Variants in CDKAL1 observed in about 807,000 individuals in gnomAD.
The protein encoded by CDKAL1 is CDKAL1 threonylcarbamoyladenosine tRNA methylthiotransferase.
A neutral mutation model predicts 68.2 loss-of-function variants in CDKAL1; 32 were observed. The ratio of observed to expected loss-of-function variants is 0.47; its 90% CI spans 0.35 to 0.63. The LOEUF (loss-of-function observed/expected upper bound fraction) is 0.63. CDKAL1 is among the 30% of genes least tolerant of loss of function. The pLI is 0.00. For synonymous variants in CDKAL1, 234 were observed against 244.3 expected, an observed-to-expected ratio of 0.96 and a Z score of 0.39; for missense variants, 606 against 696.7, an observed-to-expected ratio of 0.87 and a Z score of 1.47.
intron 4 of CDKAL1, among the ~76,000 whole-genome samples, chr6:20,589,914 G>A (rs1009647541): frequency 6.6e-6 from 1 of 152,184 alleles, no homozygotes; most frequent in Non-Finnish European, 1.5e-5. Flanking sequence ...GCACCAGGCT[G>A]TGTAAGTCCA....
At chr6:20,738,912 G>A (rs187244091) in intron 5 of CDKAL1, among the ~76,000 whole-genome samples, 1 of 152,258 alleles carries the variant, frequency 6.6e-6, no homozygotes, top group East Asian at 1.9e-4. Context: ...TATGTACAAA[G>A]CACCAGCTTG....
At chr6:20,920,223 G>A (rs1282514999) in intron 9 of CDKAL1, among the ~76,000 whole-genome samples, 1 of 152,194 alleles carries the variant, frequency 6.6e-6, no homozygotes, top group African/African-American at 2.4e-5. Context: ...TGTTTTGGGT[G>A]AGGGCAAAGG....
intron 9 of CDKAL1, among the ~76,000 whole-genome samples, chr6:20,889,800 C>T (rs1258026192): frequency 6.6e-6 from 1 of 152,178 alleles, no homozygotes; most frequent in Non-Finnish European, 1.5e-5. Flanking sequence ...TGTGATGCCT[C>T]CAGCTTTGTT....
intron 10 of CDKAL1, among the ~76,000 whole-genome samples, chr6:20,992,548 A>C (rs2150801119): frequency 6.6e-6 from 1 of 152,318 alleles, no homozygotes; most frequent in East Asian, 1.9e-4. Flanking sequence ...ATAGTTTTGC[A>C]TGAAATGATA....
chr6:20,900,624 TC>T (rs1316071518), intron 9 of CDKAL1, among the ~76,000 whole-genome samples: 2 of 152,230 alleles, frequency 1.3e-5, no homozygotes, highest in African/African-American at 4.8e-5. Context: ...AAACATCTGT[TC>T]CCCTGTCAGA....
intron 5 of CDKAL1, among the ~76,000 whole-genome samples, chr6:20,698,593 G>C (rs1489243765): frequency 6.6e-6 from 1 of 152,070 alleles, no homozygotes; most frequent in Non-Finnish European, 1.5e-5. Flanking sequence ...CCTCAGTTTG[G>C]GTTTGTTTGA....
intron 15 of CDKAL1, among the ~76,000 whole-genome samples, chr6:21,213,835 G>A (rs1446862871): frequency 6.6e-6 from 1 of 152,110 alleles, no homozygotes; most frequent in African/African-American, 2.4e-5. Flanking sequence ...TCCGTATATA[G>A]CCAACAGAAG....
chr6:21,108,278 CT>C (rs1773947141), intron 12 of CDKAL1, 122 bp from the exon 13 acceptor site: 1 of 545,684 alleles, frequency 1.8e-6, no homozygotes, highest in Admixed American at 4.8e-5. Flanking sequence ...GGAAGAATCT[CT>C]TAAAAAAAAA....
At chr6:20,952,027 C>T (rs1169537751) in intron 9 of CDKAL1, among the ~76,000 whole-genome samples, 5 of 146,304 alleles carry the variant, frequency 3.4e-5, no homozygotes, top group African/African-American at 5.1e-5. Flanking sequence ...GGCACGATCT[C>T]GGCTCACTGT....
intron 4 of CDKAL1, among the ~76,000 whole-genome samples, chr6:20,586,605 T>C (rs1393199061): frequency 6.6e-6 from 1 of 152,162 alleles, no homozygotes; most frequent in Non-Finnish European, 1.5e-5. Flanking sequence ...GCCACTGCAC[T>C]CCGGCCTGGG....
chr6:20,616,797 G>A (rs1766924792), intron 4 of CDKAL1, among the ~76,000 whole-genome samples: 1 of 150,454 alleles, frequency 6.6e-6, no homozygotes, highest in South Asian at 2.1e-4. Flanking sequence ...TAGCCCAGGA[G>A]TTCGAGACCA....
At chr6:20,948,885 A>T (rs1054704895) in intron 9 of CDKAL1, among the ~76,000 whole-genome samples, 1 of 152,170 alleles carries the variant, frequency 6.6e-6, no homozygotes, top group African/African-American at 2.4e-5. Context: ...TCATCCTTTT[A>T]TGGTATTTAG....
At chr6:21,150,419 C>T (rs1487266491) in intron 13 of CDKAL1, among the ~76,000 whole-genome samples, 3 of 152,220 alleles carry the variant, frequency 2.0e-5, no homozygotes, top group Non-Finnish European at 4.4e-5. Flanking sequence ...AGTGCAGGGC[C>T]GTGTTCTCTA....
At chr6:20,613,073 T>TAC (rs1201670153) in intron 4 of CDKAL1, among the ~76,000 whole-genome samples, 30 of 148,784 alleles carry the variant, frequency 2.0e-4, no homozygotes, top group African/African-American at 5.9e-4. Context: ...AGAATAAATG[T>TAC]ACACACACAC....
At chr6:21,003,932 C>T (rs1401318240) in intron 11 of CDKAL1, among the ~76,000 whole-genome samples, 1 of 152,176 alleles carries the variant, frequency 6.6e-6, no homozygotes, top group East Asian at 1.9e-4. Context: ...AATGGCGGCC[C>T]ATTTCATTTA....
rs61183631 is a variant in CDKAL1, at chr6:21,069,032, C to A, written c.1236+3804C>A. Among the ~76,000 whole-genome samples the A allele has an allele frequency of 5.9e-5, 9 of 152,050 alleles. No individual in the cohort carries two copies. The East Asian group carries it at 7.7e-4, about 13-fold the overall frequency. On this transcript the variant is annotated intron_variant, in intron 12 of 15. Coordinates refer to ENST00000274695, the MANE Select transcript of CDKAL1 (RefSeq NM_017774.3). The stretch of plus-strand genomic sequence containing the variant: ...TTGATTAAAATATATTTATTTTGCC[C>A]AACTAATTCACTTATTAATTCTAAT...
chr6:20,774,547 G>GC (rs1169168976), intron 7 of CDKAL1, among the ~76,000 whole-genome samples: 19 of 152,162 alleles, frequency 1.2e-4, no homozygotes, highest in Non-Finnish European at 2.4e-4. Context: ...ACCATCCAAT[G>GC]CAAGTAGCAC....
At chr6:21,199,197 G>A (rs1436314614) in intron 14 of CDKAL1, among the ~76,000 whole-genome samples, 1 of 152,214 alleles carries the variant, frequency 6.6e-6, no homozygotes, top group African/African-American at 2.4e-5. Context: ...GAGGAAGCAG[G>A]CTGCCTGTGT....
chr6:20,882,581 T>G (rs1428517148), intron 9 of CDKAL1, among the ~76,000 whole-genome samples: 1 of 152,232 alleles, frequency 6.6e-6, no homozygotes, highest in East Asian at 1.9e-4. Flanking sequence ...CTTCTTTCAT[T>G]TAGCAATATT....
Sources: allele counts gnomAD v4.1 joint callset (sites outside exome capture counted in the v4.1 genomes callset), GRCh38; gene constraint gnomAD v4.1.1; transcripts MANE v1.5; gene names NCBI Gene and HGNC (gene_info 2026-07-23, HGNC 2026-07-21).